Variants in PLEKHA6 observed in about 807,000 individuals in gnomAD.
The protein encoded by PLEKHA6 is pleckstrin homology domain containing A6.
A neutral mutation model predicts 116.7 loss-of-function variants in PLEKHA6; 60 were observed. The observed-to-expected ratio is 0.51, with a 90% CI of 0.42 to 0.64. The LOEUF (loss-of-function observed/expected upper bound fraction) is 0.64. Among genes scored for constraint, PLEKHA6 ranks in the 30% least tolerant of loss-of-function variants. The pLI is 0.00. For synonymous variants in PLEKHA6, 489 were observed against 556.1 expected, an observed-to-expected ratio of 0.88 and a Z score of 1.70; for missense variants, 1,338 against 1,422.7, an observed-to-expected ratio of 0.94 and a Z score of 0.96.
At position 204,345,189 on chromosome 1, in the gene PLEKHA6, C is replaced by T. The variant is rs148675212; in HGVS notation, c.-95+14505G>A. Among the ~76,000 whole-genome samples, 172 of 152,294 alleles carry T rather than the reference C, an allele frequency of 1.1e-3. 1 individual carries two copies. Among genetic ancestry groups the T allele is most frequent in the African/African-American group, 3.8e-3 (159 of 41,562 alleles). Reference sequence around the variant, plus strand: ...TAAGTATAAGTGTTGATGACTTTGGCCTTGGTTCTGACAACACCAAATCTG... The same window carrying T: ...TAAGTATAAGTGTTGATGACTTTGGTCTTGGTTCTGACAACACCAAATCTG... On this transcript the variant is annotated intron_variant, in intron 1 of 22. Transcript: ENST00000272203.
intron 1 of PLEKHA6, chr1:204,307,843 C>A: frequency 2.0e-6 from 2 of 985,032 alleles, no homozygotes; most frequent in Non-Finnish European, 1.2e-6. Context: ...CCAGCCCCAA[C>A]CCCTCCAGCA....
intron 1 of PLEKHA6, among the ~76,000 whole-genome samples, chr1:204,353,767 AC>A (rs1673345235): frequency 6.6e-6 from 1 of 152,128 alleles, no homozygotes; most frequent in South Asian, 2.1e-4. Context: ...GGAGGAGGAA[AC>A]CTGGGTTCTA....
chr1:204,341,810 A>G (rs143750458), intron 1 of PLEKHA6, among the ~76,000 whole-genome samples: 1 of 152,368 alleles, frequency 6.6e-6, no homozygotes, highest in East Asian at 1.9e-4. Context: ...CCAACTGTAC[A>G]TATCCAGTGG....
Position 204,257,066 on chromosome 1 carries a change from A to G in PLEKHA6, c.1524+287T>C, listed in dbSNP as rs1248353882. ...AGGTCCTCAAGATTTGAAAAGACAG[A>G]ACCCTCTCTGCCCTCTTATATGACG... On this transcript the variant is annotated intron_variant, in intron 9 of 22. Coordinates refer to ENST00000272203, the MANE Select transcript of PLEKHA6 (RefSeq NM_014935.5). This position sits in a 1 kb window ranked among gnomAD's most constrained non-coding sequence, Gnocchi z 6.5. Among the ~76,000 whole-genome samples, 1 of 152,218 alleles carries G rather than the reference A, an allele frequency of 6.6e-6. No individual in the cohort carries two copies. Among genetic ancestry groups the G allele is most frequent in the Non-Finnish European group, 1.5e-5 (1 of 68,034 alleles).
Position 204,338,733 on chromosome 1 carries a change from G to A in PLEKHA6, c.-95+20961C>T, listed in dbSNP as rs373894346. ...GAGAGATCAGATGACTTCTGAAAAC[G>A]GGCAGGATTTTGGTAAATGGAAGTA... On this transcript the variant is annotated intron_variant, in intron 1 of 22. Coordinates refer to ENST00000272203, the MANE Select transcript of PLEKHA6 (RefSeq NM_014935.5). Among the ~76,000 whole-genome samples, 14 of 152,280 alleles carry A rather than the reference G, an allele frequency of 9.2e-5. 1 individual carries two copies. Among genetic ancestry groups the A allele is most frequent in the African/African-American group, 2.4e-4 (10 of 41,570 alleles).
intron 15 of PLEKHA6, among the ~76,000 whole-genome samples, chr1:204,244,340 A>G (rs1264730409): frequency 6.7e-6 from 1 of 149,190 alleles, no homozygotes; most frequent in Non-Finnish European, 1.5e-5. Flanking sequence ...ATGGGGTTTC[A>G]CCATGTTGGC....
In PLEKHA6 at chr1:204,250,297, A is replaced by T. The variant is rs563229488; in HGVS notation, c.1593+249T>A. On this transcript the variant is annotated intron_variant, in intron 10 of 22. Transcript: ENST00000272203. ...CAGCGCTCAGTGGAGAAATGGATAC[A>T]GCCAGCATGGGAGGGAAGGGTGAGT... Among the ~76,000 whole-genome samples the T allele has an allele frequency of 2.6e-5, 4 of 152,360 alleles. No homozygotes were observed. In the South Asian group the frequency reaches 8.3e-4, roughly 32 times the overall value.
chr1:204,328,327 C>T (rs1229173920), intron 1 of PLEKHA6, among the ~76,000 whole-genome samples: 1 of 151,668 alleles, frequency 6.6e-6, no homozygotes. Flanking sequence ...GGTGATCCTC[C>T]CGCCTCGGCC....
chr1:204,227,994 GCC>G, intron 21 of PLEKHA6, 87 bp downstream of exon 21: 1 of 1,325,232 alleles, frequency 7.5e-7, no homozygotes, highest in Non-Finnish European at 1.0e-6. Flanking sequence ...CTTTGCTACT[GCC>G]CCCCTTGTAG....
At chr1:204,352,588 T>A (rs1348865482) in intron 1 of PLEKHA6, among the ~76,000 whole-genome samples, 1 of 152,176 alleles carries the variant, frequency 6.6e-6, no homozygotes, top group Non-Finnish European at 1.5e-5. Context: ...GGAGAGTCTA[T>A]CCTTTTCTTT....
Position 204,271,690 on chromosome 1 carries a change from C to T in PLEKHA6, c.102+1936G>A, listed in dbSNP as rs999913973. Among the ~76,000 whole-genome samples, 5 of 152,188 alleles carry T rather than the reference C, an allele frequency of 3.3e-5. No homozygotes were observed. In the South Asian group the frequency reaches 6.2e-4, roughly 19 times the overall value. ...CTCCTATCTTTCTGCCACAGCTTCT[C>T]GGCAAACTGAGGCTAATCCAGCTAC... On this transcript the variant is annotated intron_variant, in intron 3 of 22. Coordinates refer to ENST00000272203, the MANE Select transcript of PLEKHA6 (RefSeq NM_014935.5).
At chr1:204,282,406 T>G (rs1012237905) in intron 1 of PLEKHA6, among the ~76,000 whole-genome samples, 2 of 152,090 alleles carry the variant, frequency 1.3e-5, no homozygotes, top group Non-Finnish European at 2.9e-5. Flanking sequence ...CTGCCAGTGA[T>G]TCAAATACTG....
In PLEKHA6 at chr1:204,277,262, G is replaced by C. The variant is rs1266035581; in HGVS notation, c.-94-2453C>G. On this transcript the variant is annotated intron_variant, in intron 1 of 22. Transcript: ENST00000272203. This position sits in a 1 kb window ranked among gnomAD's most constrained non-coding sequence, Gnocchi z 4.1. ...TAGGGGTCGCCTAGGTGCCCTAGTA[G>C]GCCTGTGGCTTCCTGGTATTCGGCC... Among the ~76,000 whole-genome samples, 2 of 152,156 alleles carry C rather than the reference G, an allele frequency of 1.3e-5. No individual in the cohort carries two copies. Among genetic ancestry groups the C allele is most frequent in the Non-Finnish European group, 2.9e-5 (2 of 68,014 alleles).
chr1:204,272,561 A>ATTTCATGT (rs1370793129), intron 3 of PLEKHA6, among the ~76,000 whole-genome samples: 1 of 152,182 alleles, frequency 6.6e-6, no homozygotes, highest in Non-Finnish European at 1.5e-5. Context: ...GATGATCATC[A>ATTTCATGT]TTTCATGTTG....
intron 1 of PLEKHA6, chr1:204,299,730 A>C: frequency 1.6e-6 from 1 of 628,920 alleles, no homozygotes; most frequent in South Asian, 7.0e-5. Flanking sequence ...AGAAAGGCCT[A>C]CTTCCCTGGC....
chr1:204,301,817 G>T (rs1183371959), intron 1 of PLEKHA6, among the ~76,000 whole-genome samples: 2 of 152,178 alleles, frequency 1.3e-5, no homozygotes, highest in East Asian at 3.9e-4. Flanking sequence ...GTCAGTAACA[G>T]TGAAAAATGT....
chr1:204,297,912 T>C, intron 1 of PLEKHA6: 3 of 985,164 alleles, frequency 3.0e-6, no homozygotes, highest in Non-Finnish European at 3.6e-6. Context: ...GGCATCTTGA[T>C]CTAGGACCCC....
chr1:204,245,842 C>G, intron 13 of PLEKHA6, 116 bp from the exon 14 acceptor site: 1 of 641,420 alleles, frequency 1.6e-6, no homozygotes, highest in Non-Finnish European at 2.8e-6. Context: ...GGCAGGCACC[C>G]TGTGTACACA....
chr1:204,263,948 C>G (rs377337501), intron 6 of PLEKHA6, among the ~76,000 whole-genome samples: 1 of 152,118 alleles, frequency 6.6e-6, no homozygotes, highest in East Asian at 1.9e-4. Flanking sequence ...CTGTAGCGGG[C>G]CCTGTGCATG....
Sources: gnomAD v4.1 joint callset for allele counts (sites outside exome capture counted in the v4.1 genomes callset) on GRCh38, gnomAD v4.1.1 for gene constraint, Gnocchi (gnomAD v3.1) non-coding constraint, MANE v1.5 for transcripts, NCBI Gene and HGNC (gene_info 2026-07-23, HGNC 2026-07-21) for gene names.